MAST3: variants seen among roughly 807,000 people sequenced by gnomAD.
MAST3 encodes the protein microtubule-associated serine/threonine-protein kinase 3.
A neutral mutation model predicts 127.0 loss-of-function variants in MAST3; 43 were observed. The observed-to-expected ratio is 0.34, with a 90% CI of 0.27 to 0.44. The LOEUF is 0.44. Among genes scored for constraint, MAST3 ranks in the 20% least tolerant of loss-of-function variants. The probability of loss-of-function intolerance (pLI) is 1.00; values close to 1 mark genes in which losing one functional copy is unlikely to be tolerated. For synonymous variants in MAST3, 785 were observed against 809.2 expected, an observed-to-expected ratio of 0.97 and a Z score of 0.51; for missense variants, 1,390 against 1,919.1, an observed-to-expected ratio of 0.72 and a Z score of 5.15.
At chr19:18,129,837 A>G (rs567369724) in intron 13 of MAST3, among the ~76,000 whole-genome samples, 1 of 151,200 alleles carries the variant, frequency 6.6e-6, no homozygotes, top group South Asian at 2.1e-4. Context: ...AAGTTGGAGG[A>G]TCACCTGAAC....
At position 18,149,153 on chromosome 19, in the gene MAST3, T is replaced by C; in HGVS notation, c.3509-38T>C. On this transcript the variant is annotated intron_variant, in intron 27 of 27. Coordinates refer to ENST00000687212, the MANE Select transcript of MAST3 (RefSeq NM_001393504.1). This position sits in a 1 kb window ranked among gnomAD's most constrained non-coding sequence, Gnocchi z 5.9. ...AGCTCCACTTCTGGGCTGGGGACAT[T>C]GAGGCCAGCAGCCCTGACCTACGCT... The C allele has an allele frequency of 1.4e-6, 2 of 1,441,326 alleles. No homozygotes were observed. The highest frequency in any genetic ancestry group is 3.0e-5 in the South Asian group (2 of 65,730). 89.3% of individuals were successfully genotyped at this position (1,441,326 alleles called of 1,614,324 possible).
rs376451198 is a variant in MAST3 at position 18,118,297 on chromosome 19, C to G, written c.162-3388C>G. ...GGCGAAGGCTCGGCGGCCAGCCGAG[C>G]AAACAGGAGTTGCCAGAAGTGTGTC... On this transcript the variant is annotated intron_variant, in intron 3 of 27. Transcript: ENST00000687212. The G allele has an allele frequency of 1.3e-4, 130 of 971,848 alleles. 1 individual carries two copies. In the South Asian group the frequency reaches 3.5e-3, roughly 26 times the overall value. 60.2% of individuals were successfully genotyped at this position (971,848 alleles called of 1,614,324 possible).
In MAST3 at chr19:18,149,666, G is replaced by A. The variant is rs770183916; in HGVS notation, c.3984G>A (p.Gln1328=). The part of the protein sequence containing the change: ...EATGLPTSVP[Q]IAVEGEEAVP... ...CTGGGCTGCCCACCTCAGTGCCACA[G>A]ATCGCCGTGGAGGGCGAGGAAGCCG... Residue 1328 remains glutamine (Q), a synonymous_variant, in exon 28 of 28, where the codon CAG becomes CAA. Transcript: ENST00000687212. This position sits in a 1 kb window ranked among gnomAD's most constrained non-coding sequence, Gnocchi z 5.9. 7 of 1,613,186 alleles carry A rather than the reference G, an allele frequency of 4.3e-6. No individual in the cohort carries two copies. Among genetic ancestry groups the A allele is most frequent in the East Asian group, 2.2e-5 (1 of 44,884 alleles).
chr19:18,149,372 G>C lies in MAST3; in HGVS notation c.3690G>C (p.Pro1230=). Residue 1230 remains proline, a synonymous_variant, in exon 28 of 28, where the codon CCG becomes CCC. Transcript: ENST00000687212. This position sits in a 1 kb window ranked among gnomAD's most constrained non-coding sequence, Gnocchi z 5.9. ...SSIPPSPLAC[P]PISAPPPRSP... ...TCCCGCCCTCCCCGCTGGCCTGCCCGCCCATCTCCGCGCCCCCACCCCGCT... is the reference window on the plus strand; with the variant it reads ...TCCCGCCCTCCCCGCTGGCCTGCCCCCCCATCTCCGCGCCCCCACCCCGCT... 1 of 1,437,882 alleles carries C rather than the reference G, an allele frequency of 7.0e-7. No individual in the cohort carries two copies. Among genetic ancestry groups the C allele is most frequent in the Non-Finnish European group, 9.3e-7 (1 of 1,078,502 alleles). The allele number at this position is 1,437,882 out of a possible 1,614,324, so 89.1% of individuals were successfully genotyped here.
Position 18,145,057 on chromosome 19 carries a change from C to T in MAST3, c.2867C>T (p.Ser956Leu). 6.2e-7 allele frequency: 1 copy of T among 1,611,782 alleles called. No individual in the cohort carries two copies. The highest frequency in any genetic ancestry group is 8.5e-7 in the Non-Finnish European group (1 of 1,179,794). Reference sequence around the variant, plus strand: ...CCCCTTTCCCCGCGCTCTCTGTCCTCGAACCCGTCGTCCCGTGACTCTTCG... The same window carrying T: ...CCCCTTTCCCCGCGCTCTCTGTCCTTGAACCCGTCGTCCCGTGACTCTTCG... Reference protein sequence around the residue: ...MSPLSPRSLSSNPSSRDSSPS... With the variant: ...MSPLSPRSLSLNPSSRDSSPS... Residue 956 changes from serine to leucine, a missense_variant, in exon 24 of 28, where the codon TCG becomes TTG. Coordinates refer to ENST00000687212, the MANE Select transcript of MAST3 (RefSeq NM_001393504.1). This position sits in a 1 kb window ranked among gnomAD's most constrained non-coding sequence, Gnocchi z 5.9.
At chr19:18,142,586 G>A (rs371014298) in intron 21 of MAST3, among the ~76,000 whole-genome samples, 7 of 151,294 alleles carry the variant, frequency 4.6e-5, no homozygotes, top group East Asian at 2.0e-4. Flanking sequence ...TCCTGACCTC[G>A]TGATCCGCCC....
At position 18,134,909 on chromosome 19, in the gene MAST3, C is replaced by T. The variant is rs753777394; in HGVS notation, c.1797C>T (p.Leu599=). 3.1e-6 allele frequency: 5 copies of T among 1,614,036 alleles called. No homozygotes were observed. The highest frequency in any genetic ancestry group is 4.2e-6 in the Non-Finnish European group (5 of 1,179,928). Residue 599 remains leucine, a synonymous_variant, in exon 17 of 28, where the codon CTC becomes CTT. Coordinates refer to ENST00000687212, the MANE Select transcript of MAST3 (RefSeq NM_001393504.1). The part of the protein sequence containing the change: ...PVDWWAMGVV[L]YEFLVGCVPF... ...ACTGGTGGGCCATGGGCGTCGTCCTCTATGAGTTTCTGGTGGGCTGCGTGC... is the reference window on the plus strand; with the variant it reads ...ACTGGTGGGCCATGGGCGTCGTCCTTTATGAGTTTCTGGTGGGCTGCGTGC...
rs1158147382 is a variant in MAST3 at position 18,149,525 on chromosome 19, G to A, written c.3843G>A (p.Gly1281=). 7 of 1,554,598 alleles carry A rather than the reference G, an allele frequency of 4.5e-6. No individual in the cohort carries two copies. The highest frequency in any genetic ancestry group is 1.4e-5 in the African/African-American group (1 of 73,268). ...GGGAGGCGGGGCGGCGCACTCGTGG[G>A]CCAGAGGCCGAGCTCGTGGTCATGC... ...LDGEAGRRTR[G]PEAELVVMRR... The change falls in exon 28 of 28, where the codon GGG becomes GGA. Residue 1281 remains glycine, a synonymous_variant. Transcript: ENST00000687212. The surrounding 1 kb of genome is among the most constrained non-coding windows in gnomAD (Gnocchi z 5.9).
At chr19:18,119,912 C>G (rs77684187) in intron 3 of MAST3, among the ~76,000 whole-genome samples, 138 of 152,338 alleles carry the variant, frequency 9.1e-4, no homozygotes, top group African/African-American at 3.3e-3. Context: ...CTCTCCCTCC[C>G]CGCGAGATTC....
At position 18,110,604 on chromosome 19, in the gene MAST3, C is replaced by G; in HGVS notation, c.72-48C>G. ...ATCCGGAGATCCGGATTCGGCCACACGAAGGGGCGGCCGCCAGGTTCACCG... is the reference window on the plus strand; with the variant it reads ...ATCCGGAGATCCGGATTCGGCCACAGGAAGGGGCGGCCGCCAGGTTCACCG... On this transcript the variant is annotated intron_variant, in intron 2 of 27. Transcript: ENST00000687212. The surrounding 1 kb of genome is among the most constrained non-coding windows in gnomAD (Gnocchi z 4.3). 3 of 944,870 alleles carry G rather than the reference C, an allele frequency of 3.2e-6. No individual in the cohort carries two copies. Among genetic ancestry groups the G allele is most frequent in the Non-Finnish European group, 3.8e-6 (3 of 792,600 alleles). The allele number at this position is 944,870 out of a possible 1,614,324, so 58.5% of individuals were successfully genotyped here.
intron 27 of MAST3, among the ~76,000 whole-genome samples, chr19:18,148,484 AAAG>A (rs1013400157): frequency 4.9e-4 from 74 of 152,198 alleles, no homozygotes; most frequent in African/African-American, 1.6e-3. Context: ...GGAAAAAAAA[AAAG>A]AAAACAGAAG....
At chr19:18,106,396 G>A (rs545763334) in intron 1 of MAST3, among the ~76,000 whole-genome samples, 1 of 151,594 alleles carries the variant, frequency 6.6e-6, no homozygotes, top group Admixed American at 6.6e-5. Flanking sequence ...GCAATACCAC[G>A]CCCAGCTAAT....
intron 3 of MAST3, among the ~76,000 whole-genome samples, chr19:18,111,401 G>C (rs2038601262): frequency 6.6e-6 from 1 of 152,082 alleles, no homozygotes; most frequent in African/African-American, 2.4e-5. Flanking sequence ...AGTTTTGTGA[G>C]CTCCTCTCAT....
intron 21 of MAST3, among the ~76,000 whole-genome samples, chr19:18,142,497 A>G (rs1599880312): frequency 1.3e-5 from 2 of 151,348 alleles, no homozygotes; most frequent in Admixed American, 6.6e-5. Flanking sequence ...GACTACAGGC[A>G]CCTGCCACCA....
chr19:18,133,350 G>A (rs531135358), intron 15 of MAST3, among the ~76,000 whole-genome samples: 1 of 152,066 alleles, frequency 6.6e-6, no homozygotes, highest in Non-Finnish European at 1.5e-5. Flanking sequence ...GGCAATGACT[G>A]TGTACCTGGC....
At position 18,110,293 on chromosome 19, in the gene MAST3, C is replaced by T. The variant is rs1029944871; in HGVS notation, c.72-359C>T. ...CCAACAAGGGGGCGTCGGTACCCCG[C>T]CGCACAGAGGCGGCCTCTGCCTCGG... On this transcript the variant is annotated intron_variant, in intron 2 of 27. Transcript: ENST00000687212. The surrounding 1 kb of genome is among the most constrained non-coding windows in gnomAD (Gnocchi z 4.3). 6 of 985,516 alleles carry T rather than the reference C, an allele frequency of 6.1e-6. No individual in the cohort carries two copies. The highest frequency in any genetic ancestry group is 4.8e-6 in the Non-Finnish European group (4 of 830,078). 61.0% of individuals were successfully genotyped at this position (985,516 alleles called of 1,614,324 possible).
intron 3 of MAST3, among the ~76,000 whole-genome samples, chr19:18,115,611 C>T (rs2039132509): frequency 6.6e-6 from 1 of 152,068 alleles, no homozygotes; most frequent in Non-Finnish European, 1.5e-5. Context: ...GGTCTCAAAA[C>T]CACCATCTCC....
chr19:18,124,611 C>A (rs747745894), intron 10 of MAST3, 31 bp from the exon 11 acceptor site: 5 of 1,536,960 alleles, frequency 3.3e-6, no homozygotes, highest in Non-Finnish European at 3.5e-6. Flanking sequence ...TGGAACCAAG[C>A]CCTGGGTGAC....
chr19:18,141,442 G>A (rs1419105035), intron 20 of MAST3, among the ~76,000 whole-genome samples: 3 of 137,608 alleles, frequency 2.2e-5, no homozygotes, highest in Non-Finnish European at 3.1e-5. Context: ...GCACAATCTC[G>A]GCTCACTGCA....
Sources: gnomAD v4.1 joint callset for allele counts (sites outside exome capture counted in the v4.1 genomes callset) on GRCh38, gnomAD v4.1.1 for gene constraint, Gnocchi (gnomAD v3.1) non-coding constraint, MANE v1.5 for transcripts, NCBI Gene and HGNC (gene_info 2026-07-23, HGNC 2026-07-21) for gene names.